The following SLC17A8 variants were observed in gnomAD, a reference collection of about 807,000 sequenced individuals.
SLC17A8 encodes the protein vesicular glutamate transporter 3.
SLC17A8 carries 31 observed loss-of-function variants against 58.0 expected under a neutral mutation model. That is an observed-to-expected ratio of 0.53 (90% CI 0.40 to 0.72). The LOEUF is 0.72. Among genes scored for constraint, SLC17A8 ranks in the 30% least tolerant of loss-of-function variants. SLC17A8 has a pLI of 0.00. For missense variants in SLC17A8, 655 were observed against 727.8 expected, an observed-to-expected ratio of 0.90 and a Z score of 1.15; for synonymous variants, 228 against 249.0, an observed-to-expected ratio of 0.92 and a Z score of 0.79.
chr12:100,388,970 A>ATGTGG (rs1952695102), intron 2 of SLC17A8, among the ~76,000 whole-genome samples: 1 of 152,148 alleles, frequency 6.6e-6, no homozygotes, highest in South Asian at 2.1e-4. Flanking sequence ...ATGTCCATTC[A>ATGTGG]CTGAAGACAG....
intron 1 of SLC17A8, among the ~76,000 whole-genome samples, chr12:100,365,388 T>A (rs1171133331): frequency 1.3e-5 from 2 of 152,204 alleles, no homozygotes; most frequent in African/African-American, 4.8e-5. Context: ...CCTATTCAGA[T>A]GACTTTAGTA....
In SLC17A8 at chr12:100,404,042, G is replaced by A; in HGVS notation, c.1058G>A (p.Gly353Asp). Reference sequence around the variant, plus strand: ...TACTGTTTCTTTCCCTTCCAGGTGGGTCTCTTGTCAGCAGTCCCACACATG... The same window carrying A: ...TACTGTTTCTTTCCCTTCCAGGTGGATCTCTTGTCAGCAGTCCCACACATG... ...EVFGFAISKV[G>D]LLSAVPHMVM... The change falls in exon 9 of 12, where the codon GGT becomes GAT. Residue 353 changes from glycine (G) to aspartate (D), a missense_variant. Gly to Asp is a moderately conservative substitution (Grantham distance 94). Coordinates refer to ENST00000323346, the MANE Select transcript of SLC17A8 (RefSeq NM_139319.3). 1 of 1,614,090 alleles carries A rather than the reference G, an allele frequency of 6.2e-7. No individual in the cohort carries two copies. The highest frequency in any genetic ancestry group is 8.5e-7 in the Non-Finnish European group (1 of 1,180,014).
At chr12:100,363,752 C>T (rs1952500014) in intron 1 of SLC17A8, among the ~76,000 whole-genome samples, 1 of 152,080 alleles carries the variant, frequency 6.6e-6, no homozygotes, top group Non-Finnish European at 1.5e-5. Context: ...TAAGAAGCTT[C>T]TTCAGAGGCC....
chr12:100,375,683 A>T (rs1030752362), intron 1 of SLC17A8, among the ~76,000 whole-genome samples: 2 of 152,244 alleles, frequency 1.3e-5, no homozygotes, highest in African/African-American at 4.8e-5. Flanking sequence ...CTGCATGTAT[A>T]TAGAGAGCGC....
intron 1 of SLC17A8, among the ~76,000 whole-genome samples, chr12:100,368,591 G>T (rs1189628609): frequency 1.3e-5 from 2 of 152,060 alleles, no homozygotes; most frequent in Admixed American, 1.3e-4. Context: ...TCCAAATCTA[G>T]TACATTCAGG....
chr12:100,396,442 A>T (rs767831162), intron 5 of SLC17A8, 25 bp downstream of exon 5: 17 of 1,595,800 alleles, frequency 1.1e-5, no homozygotes, highest in Non-Finnish European at 1.5e-5. Context: ...ATCGTAACAA[A>T]TTTTATTTAT....
chr12:100,385,395 C>T (rs1952667504), intron 2 of SLC17A8, among the ~76,000 whole-genome samples: 1 of 151,998 alleles, frequency 6.6e-6, no homozygotes. Flanking sequence ...GCCACAACGC[C>T]CAGCTAATTT....
At chr12:100,363,357 A>G (rs942366607) in intron 1 of SLC17A8, among the ~76,000 whole-genome samples, 3 of 151,992 alleles carry the variant, frequency 2.0e-5, no homozygotes, top group African/African-American at 7.2e-5. Context: ...GCACCATATC[A>G]TAACTGTTGG....
At chr12:100,361,690 G>A (rs914065400) in intron 1 of SLC17A8, among the ~76,000 whole-genome samples, 12 of 152,148 alleles carry the variant, frequency 7.9e-5, no homozygotes, top group Admixed American at 6.5e-5. Flanking sequence ...GGCTGGGTGT[G>A]GTGGCTCATG....
Position 100,418,133 on chromosome 12 carries a change from G to A in SLC17A8, c.1402G>A (p.Val468Ile). Residue 468 changes from valine to isoleucine, a missense_variant, in exon 11 of 12, where the codon GTC becomes ATC. By Grantham distance (29) the Val-to-Ile change is conservative. Transcript: ENST00000323346. The part of the protein sequence containing the change: ...TLSGMVCPLI[V>I]GAMTRHKTRE... ...CTCTGGAATGGTCTGTCCCCTCATT[G>A]TCGGTGCAATGACCAGGCACAAGGT... is the stretch of plus-strand genomic sequence containing the variant. 2 of 1,614,162 alleles carry A rather than the reference G, an allele frequency of 1.2e-6. No homozygotes were observed. Among genetic ancestry groups the A allele is most frequent in the Non-Finnish European group, 1.7e-6 (2 of 1,180,032 alleles).
In SLC17A8 at chr12:100,380,792, T is replaced by C. The variant is rs1296798177; in HGVS notation, c.193T>C (p.Cys65Arg). ...GACGTCCAGGCCAAGCCCCCCACTC[T>C]GCGACTGCCACTGCTGCGGCCTCCC... ...VQTSRPSPPL[C>R]DCHCCGLPKR... The change falls in exon 2 of 12, where the codon TGC (cysteine) becomes CGC (arginine). Residue 65 changes from cysteine to arginine, a missense_variant. Coordinates refer to ENST00000323346, the MANE Select transcript of SLC17A8 (RefSeq NM_139319.3). 2 of 1,614,150 alleles carry C rather than the reference T, an allele frequency of 1.2e-6. No homozygotes were observed. The highest frequency in any genetic ancestry group is 8.5e-7 in the Non-Finnish European group (1 of 1,180,022).
chr12:100,418,246 T>C, intron 11 of SLC17A8, 90 bp downstream of exon 11: 28 of 1,513,042 alleles, frequency 1.9e-5, no homozygotes, highest in Non-Finnish European at 2.4e-5. Context: ...CTGCAGTCTG[T>C]AAATGTGTAT....
chr12:100,393,583 T>C (rs552184695), intron 4 of SLC17A8, 100 bp downstream of exon 4: 12 of 873,500 alleles, frequency 1.4e-5, no homozygotes, highest in Non-Finnish European at 2.1e-5. Flanking sequence ...TCAGTTTTTT[T>C]CTATATTTTC....
intron 9 of SLC17A8, among the ~76,000 whole-genome samples, chr12:100,410,167 C>T (rs1021122142): frequency 6.6e-6 from 1 of 152,076 alleles, no homozygotes; most frequent in African/African-American, 2.4e-5. Flanking sequence ...GGAGACCAGC[C>T]TGGCCAACAT....
In SLC17A8 at chr12:100,357,531, G is replaced by A. The variant is rs1952455414; in HGVS notation, c.101+39G>A. On this transcript the variant is annotated intron_variant, in intron 1 of 11. Transcript: ENST00000323346. ...GCGAACTTTAGTTCCTTTCTGAGTA[G>A]CTTCGTATTGCCAATGTGTGAGAGA... 3.1e-6 allele frequency: 4 copies of A among 1,282,814 alleles called. No individual in the cohort carries two copies. The South Asian group carries it at 4.7e-5, about 15-fold the overall frequency. 79.5% of individuals were successfully genotyped at this position (1,282,814 alleles called of 1,614,324 possible).
At chr12:100,389,802 T>TATTATTATTATTATTA (rs568838204) in intron 2 of SLC17A8, among the ~76,000 whole-genome samples, 1 of 134,552 alleles carries the variant, frequency 7.4e-6, no homozygotes, top group African/African-American at 2.7e-5. Context: ...CTGGCTAGAT[T>TATTATTATTATTATTA]TGTATTATTA....
intron 9 of SLC17A8, among the ~76,000 whole-genome samples, chr12:100,407,702 T>TTCACACCATTCTCCTGCCTC (rs1252441645): frequency 6.6e-6 from 1 of 152,040 alleles, no homozygotes; most frequent in East Asian, 1.9e-4. Flanking sequence ...GCCTCCCAGG[T>TTCACACCATTCTCCTGCCTC]TCACACCATT....
chr12:100,410,188 G>A (rs765718000), intron 9 of SLC17A8, among the ~76,000 whole-genome samples: 13 of 151,938 alleles, frequency 8.6e-5, no homozygotes, highest in African/African-American at 2.9e-4. Flanking sequence ...GGGGAAACCC[G>A]GCCTCTACTA....
intron 2 of SLC17A8, among the ~76,000 whole-genome samples, chr12:100,389,253 T>C (rs561933739): frequency 3.3e-4 from 51 of 152,276 alleles, no homozygotes; most frequent in African/African-American, 1.0e-3. Context: ...CTAACATTTA[T>C]TGAGTCTACA....
Sources: gnomAD v4.1 joint callset for allele counts (sites outside exome capture counted in the v4.1 genomes callset) on GRCh38, gnomAD v4.1.1 for gene constraint, MANE v1.5 for transcripts, NCBI Gene and HGNC (gene_info 2026-07-23, HGNC 2026-07-21) for gene names.